PCDH15: variants seen among roughly 807,000 people sequenced by gnomAD.
PCDH15 encodes the protein protocadherin related 15.
PCDH15 carries 129 observed loss-of-function variants against 178.5 expected under a neutral mutation model. The observed-to-expected ratio is 0.72, with a 90% confidence interval of 0.63 to 0.84. PCDH15 has a LOEUF of 0.84. Ranked by LOEUF, PCDH15 falls within the 40% of genes least tolerant of loss-of-function variation. The probability of loss-of-function intolerance (pLI) is 0.00; values close to 1 mark genes in which losing one functional copy is unlikely to be tolerated. For missense variants in PCDH15, 2,230 were observed against 2,099.9 expected, an observed-to-expected ratio of 1.06 and a Z score of -1.21; for synonymous variants, 800 against 732.0, an observed-to-expected ratio of 1.09 and a Z score of -1.50.
chr10:54,023,604 A>G (rs938797033), intron 18 of PCDH15, among the ~76,000 whole-genome samples: 1 of 148,780 alleles, frequency 6.7e-6, no homozygotes, highest in African/African-American at 2.4e-5. Flanking sequence ...TATTCATTTT[A>G]TATTTATATA....
chr10:54,341,644 C>T (rs1942254858), intron 6 of PCDH15, among the ~76,000 whole-genome samples: 1 of 152,244 alleles, frequency 6.6e-6, no homozygotes, highest in South Asian at 2.1e-4. Flanking sequence ...GAGGTTGGAA[C>T]AGTTTGGAGG....
At chr10:55,619,310 T>G (rs191627178) in intron 2 of PCDH15, among the ~76,000 whole-genome samples, 11 of 152,060 alleles carry the variant, frequency 7.2e-5, no homozygotes, top group Admixed American at 7.2e-4. Flanking sequence ...ATCAGAATTT[T>G]AAAAAAACTA....
chr10:55,301,987 A>C (rs2099990), intron 1 of PCDH15, among the ~76,000 whole-genome samples: 4,209 of 152,246 alleles, frequency 0.028, 75 homozygotes, highest in Middle Eastern at 0.044. Flanking sequence ...GATTATCGTG[A>C]CTAGAAAATT....
intron 2 of PCDH15, among the ~76,000 whole-genome samples, chr10:54,645,810 T>C (rs2094118202): frequency 1.3e-5 from 2 of 152,288 alleles, no homozygotes; most frequent in East Asian, 3.9e-4. Context: ...TATTATAACA[T>C]ACTAACATAT....
intron 13 of PCDH15, among the ~76,000 whole-genome samples, chr10:54,156,080 T>C (rs1291449701): frequency 6.6e-6 from 1 of 152,196 alleles, no homozygotes; most frequent in South Asian, 2.1e-4. Flanking sequence ...AAGTTTCAGA[T>C]GAAAGTAAAA....
At chr10:55,329,354 T>C (rs73253843) in intron 2 of PCDH15, among the ~76,000 whole-genome samples, 9,331 of 151,740 alleles carry the variant, frequency 0.061, 651 homozygotes, top group African/African-American at 0.18. Flanking sequence ...TATTCTTGTG[T>C]TTAAAAATAT....
intron 1 of PCDH15, among the ~76,000 whole-genome samples, chr10:55,294,668 A>G (rs1016657816): frequency 3.3e-5 from 5 of 152,200 alleles, no homozygotes; most frequent in African/African-American, 1.2e-4. Flanking sequence ...TGCTTTGCAT[A>G]TAGGAGTCCA....
At chr10:54,530,508 A>G (rs1004996197) in intron 2 of PCDH15, among the ~76,000 whole-genome samples, 1 of 152,172 alleles carries the variant, frequency 6.6e-6, no homozygotes, top group Non-Finnish European at 1.5e-5. Flanking sequence ...ACCTCAGAAC[A>G]TGATACTGGT....
At chr10:54,480,088 TACAGTGG>T (rs535208313) in intron 3 of PCDH15, among the ~76,000 whole-genome samples, 176 of 152,272 alleles carry the variant, frequency 1.2e-3, no homozygotes, top group African/African-American at 4.1e-3. Flanking sequence ...ATTTGTAAAG[TACAGTGG>T]TTTTGCTAGC....
At chr10:55,556,166 G>T (rs367769245) in intron 2 of PCDH15, among the ~76,000 whole-genome samples, 2 of 151,842 alleles carry the variant, frequency 1.3e-5, no homozygotes, top group African/African-American at 4.8e-5. Flanking sequence ...TGGCCTAGTG[G>T]TGTTTATAAT....
chr10:54,240,345 A>G (rs113503725), intron 8 of PCDH15, among the ~76,000 whole-genome samples: 8,198 of 151,906 alleles, frequency 0.054, 554 homozygotes, highest in African/African-American at 0.16. Flanking sequence ...AAAGTAGTAT[A>G]TAGTAGTAAA....
chr10:55,530,374 T>G (rs1344028516), intron 2 of PCDH15, among the ~76,000 whole-genome samples: 8 of 151,886 alleles, frequency 5.3e-5, no homozygotes, highest in African/African-American at 1.4e-4. Flanking sequence ...TTAAAAAAAT[T>G]CATATACTCT....
chr10:54,933,976 G>T (rs1837844305), intron 2 of PCDH15, among the ~76,000 whole-genome samples: 1 of 152,066 alleles, frequency 6.6e-6, no homozygotes, highest in African/African-American at 2.4e-5. Context: ...TCTTGCTTCG[G>T]TGTACCCTGA....
chr10:55,212,232 T>C (rs1347641891), intron 1 of PCDH15, among the ~76,000 whole-genome samples: 1 of 152,072 alleles, frequency 6.6e-6, no homozygotes, highest in Admixed American at 6.5e-5. Flanking sequence ...TAACCAGTTT[T>C]TCACAGCCTA....
chr10:54,230,685 A>G (rs946493080), intron 9 of PCDH15, among the ~76,000 whole-genome samples: 1 of 152,202 alleles, frequency 6.6e-6, no homozygotes, highest in Non-Finnish European at 1.5e-5. Context: ...TGGCTCTAGT[A>G]TCTCCATTCT....
intron 3 of PCDH15, among the ~76,000 whole-genome samples, chr10:54,457,024 T>C (rs933080162): frequency 2.0e-5 from 3 of 152,152 alleles, no homozygotes; most frequent in Non-Finnish European, 4.4e-5. Flanking sequence ...CAGGTGTTTC[T>C]TCATAGTGGT....
chr10:54,479,483 C>T (rs925717226), intron 3 of PCDH15, among the ~76,000 whole-genome samples: 3 of 151,602 alleles, frequency 2.0e-5, no homozygotes, highest in Non-Finnish European at 4.4e-5. Flanking sequence ...CATATAGCTG[C>T]CTGGGTTTGT....
intron 2 of PCDH15, among the ~76,000 whole-genome samples, chr10:55,073,009 C>T (rs1467701583): frequency 1.3e-5 from 2 of 152,168 alleles, no homozygotes; most frequent in Non-Finnish European, 1.5e-5. Flanking sequence ...ACATGATTAT[C>T]TCAAGAGATG....
In PCDH15 at chr10:55,068,812, ATC is replaced by A. The variant is rs1841637588; in HGVS notation, c.-80+97762_-80+97763del. 2.0e-5 allele frequency among the ~76,000 whole-genome samples: 3 copies of A among 151,666 alleles called. No homozygotes were observed. In the South Asian group the frequency reaches 6.2e-4, roughly 32 times the overall value. ...GTGCACGTGTGTGTGTTCCCTACAG[ATC>A]TCTTTCACCTTTTTGATTAAATTTA... On this transcript the variant is annotated intron_variant, in intron 2 of 5. Coordinates refer to the PCDH15 transcript ENST00000458638.
Sources: allele counts gnomAD v4.1 joint callset (sites outside exome capture counted in the v4.1 genomes callset), GRCh38; gene constraint gnomAD v4.1.1; transcripts MANE v1.5; gene names NCBI Gene and HGNC (gene_info 2026-07-23, HGNC 2026-07-21).